ADK: variants seen among roughly 807,000 people sequenced by gnomAD.
ADK encodes adenosine kinase.
ADK carries 24 observed loss-of-function variants against 44.7 expected under a neutral mutation model. The observed-to-expected ratio is 0.54, with a 90% confidence interval of 0.39 to 0.76. ADK has a LOEUF of 0.76. Ranked by LOEUF, ADK falls within the 30% of genes least tolerant of loss-of-function variation. The pLI is 0.00. For synonymous variants in ADK, 128 were observed against 142.6 expected (o/e 0.90, Z 0.73); for missense variants, 321 against 425.1 (o/e 0.76, Z 2.15).
intron 9 of ADK, among the ~76,000 whole-genome samples, chr10:74,621,499 A>G (rs1852991530): frequency 6.6e-6 from 1 of 152,106 alleles, no homozygotes; most frequent in Non-Finnish European, 1.5e-5. Context: ...GAAGTCTGAT[A>G]GTATGATACC....
intron 6 of ADK, among the ~76,000 whole-genome samples, chr10:74,419,904 A>G (rs1844499605): frequency 6.6e-6 from 1 of 152,240 alleles, no homozygotes; most frequent in Admixed American, 6.5e-5. Flanking sequence ...CCATTAGAAG[A>G]GTTTTTAAAT....
At chr10:74,396,922 T>C (rs369307649) in intron 5 of ADK, among the ~76,000 whole-genome samples, 2 of 151,940 alleles carry the variant, frequency 1.3e-5, no homozygotes, top group African/African-American at 4.8e-5. Context: ...GCCATTGCTC[T>C]TCTCTAGCCT....
At chr10:74,438,534 C>G (rs1201296937) in intron 6 of ADK, among the ~76,000 whole-genome samples, 2 of 151,982 alleles carry the variant, frequency 1.3e-5, no homozygotes, top group African/African-American at 4.8e-5. Flanking sequence ...CCGGCCTTGC[C>G]TCTCTTAATA....
chr10:74,196,992 G>C (rs1015926101), intron 1 of ADK, among the ~76,000 whole-genome samples: 1 of 152,184 alleles, frequency 6.6e-6, no homozygotes, highest in African/African-American at 2.4e-5. Flanking sequence ...AAGCCATTAG[G>C]TTTTTAAGGC....
chr10:74,346,429 TA>T (rs1232729606), intron 4 of ADK, among the ~76,000 whole-genome samples: 1 of 152,254 alleles, frequency 6.6e-6, no homozygotes, highest in Non-Finnish European at 1.5e-5. Context: ...TAAGCTAATC[TA>T]AATTTTCATA....
intron 7 of ADK, among the ~76,000 whole-genome samples, chr10:74,549,442 T>C (rs576768097): frequency 6.6e-6 from 1 of 152,196 alleles, no homozygotes; most frequent in Non-Finnish European, 1.5e-5. Flanking sequence ...TTAATTTATT[T>C]ATTTATTTAG....
intron 4 of ADK, among the ~76,000 whole-genome samples, chr10:74,334,409 T>A (rs1346473325): frequency 1.3e-5 from 2 of 152,214 alleles, no homozygotes; most frequent in Non-Finnish European, 2.9e-5. Context: ...CATTTGCTGA[T>A]GCAAACTCAC....
chr10:74,233,932 T>G (rs1844870808), intron 3 of ADK, among the ~76,000 whole-genome samples: 1 of 152,230 alleles, frequency 6.6e-6, no homozygotes, highest in Admixed American at 6.5e-5. Flanking sequence ...TCATTGATCC[T>G]TAACTGCAAT....
intron 4 of ADK, among the ~76,000 whole-genome samples, chr10:74,337,165 C>G (rs1841436903): frequency 6.6e-6 from 1 of 152,186 alleles, no homozygotes; most frequent in Admixed American, 6.6e-5. Flanking sequence ...ACGTATGTAA[C>G]AGGCAAGAAT....
intron 6 of ADK, among the ~76,000 whole-genome samples, chr10:74,413,279 G>A (rs544630797): frequency 1.3e-5 from 2 of 152,198 alleles, no homozygotes; most frequent in African/African-American, 4.8e-5. Context: ...TCGAAGCCAA[G>A]CATTTACTTC....
chr10:74,544,917 G>A (rs527671033), intron 7 of ADK, among the ~76,000 whole-genome samples: 73 of 150,166 alleles, frequency 4.9e-4, no homozygotes, highest in Non-Finnish European at 8.0e-4. Context: ...TTTTTGAGAC[G>A]GAATCTTGCC....
Position 74,708,649 on chromosome 10 carries a change from A to G in ADK, c.*204A>G, listed in dbSNP as rs956496563. The G allele has an allele frequency of 3.2e-5, 16 of 492,698 alleles. No individual in the cohort carries two copies. The highest frequency in any genetic ancestry group is 4.3e-5 in the Non-Finnish European group (12 of 281,188). 30.5% of individuals were successfully genotyped at this position (492,698 alleles called of 1,614,324 possible). A position where few individuals can be genotyped will look rare whatever the true frequency, so the allele number is the denominator to read the frequency against. On this transcript the variant is annotated 3_prime_UTR_variant, in exon 11 of 11. Transcript: ENST00000539909. ...AATCTAAAAAATGATGTTTATTTCC[A>G]TAGTTTGATAGTGCCACTTAAATGC... is the stretch of plus-strand genomic sequence containing the variant.
chr10:74,421,563 G>T (rs1202634826), intron 6 of ADK, among the ~76,000 whole-genome samples: 3 of 152,112 alleles, frequency 2.0e-5, no homozygotes, highest in African/African-American at 7.2e-5. Context: ...TACTGAGAAG[G>T]CCTAGAAGCA....
At chr10:74,351,278 A>G (rs1324506719) in intron 4 of ADK, among the ~76,000 whole-genome samples, 1 of 152,222 alleles carries the variant, frequency 6.6e-6, no homozygotes, top group African/African-American at 2.4e-5. Flanking sequence ...ACGCAAATCA[A>G]TAAACGTAAT....
At chr10:74,288,915 G>T (rs1847295777) in intron 3 of ADK, among the ~76,000 whole-genome samples, 2 of 152,136 alleles carry the variant, frequency 1.3e-5, no homozygotes, top group Non-Finnish European at 2.9e-5. Flanking sequence ...TTTTTGGAGA[G>T]TATATGAAAA....
At chr10:74,359,038 A>C (rs1235967279) in intron 4 of ADK, among the ~76,000 whole-genome samples, 2 of 152,148 alleles carry the variant, frequency 1.3e-5, no homozygotes, top group Non-Finnish European at 2.9e-5. Flanking sequence ...GGCTTCAAGC[A>C]ATCCTCCTGT....
At chr10:74,561,747 T>C (rs942357980) in intron 7 of ADK, among the ~76,000 whole-genome samples, 2 of 152,144 alleles carry the variant, frequency 1.3e-5, no homozygotes, top group South Asian at 2.1e-4. Context: ...AATTGGATGA[T>C]GGAAGTATGG....
At chr10:74,413,647 A>G (rs1483794080) in intron 6 of ADK, among the ~76,000 whole-genome samples, 1 of 152,244 alleles carries the variant, frequency 6.6e-6, no homozygotes, top group Non-Finnish European at 1.5e-5. Flanking sequence ...CCATGTCAGC[A>G]ATAAGCTTAT....
At chr10:74,334,519 G>A (rs1394588599) in intron 4 of ADK, among the ~76,000 whole-genome samples, 3 of 152,184 alleles carry the variant, frequency 2.0e-5, no homozygotes, top group Non-Finnish European at 4.4e-5. Flanking sequence ...AAGTAATGAA[G>A]TGTTTTTTCT....
Sources: allele counts gnomAD v4.1 joint callset (sites outside exome capture counted in the v4.1 genomes callset), GRCh38; gene constraint gnomAD v4.1.1; transcripts MANE v1.5; gene names NCBI Gene and HGNC (gene_info 2026-07-23, HGNC 2026-07-21).